Variants in SHISA9 observed in about 807,000 individuals in gnomAD.
SHISA9 encodes the protein shisa family member 9.
In SHISA9, 13 loss-of-function variants were observed where a neutral mutation model predicts 38.0. The observed-to-expected ratio is 0.34, with a 90% CI of 0.22 to 0.54. The LOEUF (loss-of-function observed/expected upper bound fraction) is 0.54, where lower values mean the gene tolerates loss of function less well. Among genes scored for constraint, SHISA9 ranks in the 20% least tolerant of loss-of-function variants. SHISA9 has a pLI of 0.91. For synonymous variants in SHISA9, 275 were observed against 242.0 expected (o/e 1.14, Z -1.27); for missense variants, 538 against 575.8 (o/e 0.93, Z 0.67).
At chr16:12,946,803 G>T (rs1014222728) in intron 2 of SHISA9, among the ~76,000 whole-genome samples, 22 of 152,250 alleles carry the variant, frequency 1.4e-4, no homozygotes, top group Non-Finnish European at 3.2e-4. Flanking sequence ...TTTGAGCAGG[G>T]CACTGCATGG....
At chr16:13,405,628 C>G in the SHISA9 span, among the ~76,000 whole-genome samples, 1 of 152,172 alleles carries the variant, frequency 6.6e-6, no homozygotes, top group Non-Finnish European at 1.5e-5. Context: ...TGTCCACTTC[C>G]TTCTCACTGT....
intron 2 of SHISA9, among the ~76,000 whole-genome samples, chr16:13,066,015 C>T (rs986895746): frequency 6.6e-6 from 1 of 152,204 alleles, no homozygotes; most frequent in African/African-American, 2.4e-5. Flanking sequence ...CTTCAATTTA[C>T]CATCCAAAGG....
At chr16:13,132,335 T>C (rs535985452) in intron 2 of SHISA9, among the ~76,000 whole-genome samples, 2 of 152,292 alleles carry the variant, frequency 1.3e-5, no homozygotes, top group African/African-American at 4.8e-5. Flanking sequence ...TAGTAGATGT[T>C]TACTGCTATT....
chr16:13,208,342 C>T (rs2051085507), intron 3 of SHISA9, among the ~76,000 whole-genome samples: 1 of 151,728 alleles, frequency 6.6e-6, no homozygotes. Flanking sequence ...CCCAAACCTG[C>T]CTTCCTTTCT....
the SHISA9 span, among the ~76,000 whole-genome samples, chr16:13,494,131 T>C: frequency 1.4e-4 from 21 of 152,194 alleles, no homozygotes; most frequent in Non-Finnish European, 2.4e-4. Context: ...CTGAGTAAGA[T>C]TTAATGCACT....
chr16:13,363,997 A>G, the SHISA9 span, among the ~76,000 whole-genome samples: 1 of 152,184 alleles, frequency 6.6e-6, no homozygotes, highest in African/African-American at 2.4e-5. Context: ...AACTTTCCAC[A>G]TGATTCCAGA....
chr16:13,434,419 G>GATTTTTTTTTTTTTTTT, the SHISA9 span, among the ~76,000 whole-genome samples: 2 of 64,566 alleles, frequency 3.1e-5, no homozygotes, highest in East Asian at 4.9e-4. Flanking sequence ...GACAAGCTAT[G>GATTTTTTTTTTTTTTTT]TTTTTTTTTT....
the SHISA9 span, among the ~76,000 whole-genome samples, chr16:13,312,240 G>C: frequency 2.0e-5 from 3 of 152,172 alleles, no homozygotes; most frequent in Admixed American, 1.3e-4. Flanking sequence ...TAAGCAAATG[G>C]GTGTGGTCTT....
chr16:13,223,454 A>G (rs977011062), intron 4 of SHISA9, among the ~76,000 whole-genome samples: 3 of 152,136 alleles, frequency 2.0e-5, no homozygotes, highest in Non-Finnish European at 2.9e-5. Context: ...TATCTGTCAT[A>G]TAAAACTGGT....
At chr16:13,263,751 A>G in the SHISA9 span, among the ~76,000 whole-genome samples, 2 of 152,116 alleles carry the variant, frequency 1.3e-5, no homozygotes, top group Admixed American at 6.5e-5. Context: ...GCCAATACCA[A>G]TTTCCTGGGT....
chr16:13,035,116 CA>C (rs143022659), intron 2 of SHISA9, among the ~76,000 whole-genome samples: 2,669 of 152,146 alleles, frequency 0.018, 74 homozygotes, highest in African/African-American at 0.06. Context: ...TCAACAAATC[CA>C]ACATATTTGT....
the SHISA9 span, among the ~76,000 whole-genome samples, chr16:13,387,130 C>T: frequency 1.1e-4 from 17 of 152,268 alleles, no homozygotes; most frequent in African/African-American, 3.6e-4. Context: ...CATTTCTGTA[C>T]ATTTACATAG....
the SHISA9 span, among the ~76,000 whole-genome samples, chr16:13,473,625 TG>T: frequency 1.3e-5 from 2 of 152,260 alleles, no homozygotes; most frequent in African/African-American, 4.8e-5. Context: ...AGCTGTCAAC[TG>T]TCTAATGCAG....
At chr16:13,281,467 C>G in the SHISA9 span, among the ~76,000 whole-genome samples, 1 of 151,226 alleles carries the variant, frequency 6.6e-6, no homozygotes, top group Non-Finnish European at 1.5e-5. Flanking sequence ...TTGGTGTGGT[C>G]CATTTACATT....
intron 2 of SHISA9, among the ~76,000 whole-genome samples, chr16:13,198,320 A>G (rs2050969752): frequency 6.6e-6 from 1 of 150,608 alleles, no homozygotes; most frequent in Admixed American, 6.6e-5. Context: ...GTGTATATGC[A>G]TACATATATA....
At position 13,018,764 on chromosome 16, in the gene SHISA9, G is replaced by T. The variant is rs574997404; in HGVS notation, c.691+101949G>T. On this transcript the variant is annotated intron_variant, in intron 2 of 4. Coordinates refer to ENST00000558583, the MANE Select transcript of SHISA9 (RefSeq NM_001145204.3). ...AATGTGCATAAATACCAGCTGGTGA[G>T]TGTGTGAAAATGCTGATTCCTAGGT... Among the ~76,000 whole-genome samples, 367 of 152,306 alleles carry T rather than the reference G, an allele frequency of 2.4e-3. 2 individuals carry two copies. The highest frequency in any genetic ancestry group is 8.2e-3 in the African/African-American group (339 of 41,558).
intron 2 of SHISA9, among the ~76,000 whole-genome samples, chr16:13,028,225 C>T (rs542384300): frequency 5.9e-5 from 9 of 152,098 alleles, no homozygotes; most frequent in Admixed American, 2.0e-4. Flanking sequence ...CTTCAATAAA[C>T]GTTATTTAAG....
the SHISA9 span, among the ~76,000 whole-genome samples, chr16:13,471,139 C>T: frequency 1.3e-5 from 2 of 151,956 alleles, no homozygotes; most frequent in African/African-American, 4.8e-5. Context: ...ACTCACATAT[C>T]TTATTGTTTG....
At chr16:13,402,110 G>C in the SHISA9 span, among the ~76,000 whole-genome samples, 1 of 150,576 alleles carries the variant, frequency 6.6e-6, no homozygotes, top group African/African-American at 2.4e-5. Flanking sequence ...GTGTTCTCCA[G>C]AGAAATGAAA....
Sources: gnomAD v4.1 joint callset for allele counts (sites outside exome capture counted in the v4.1 genomes callset) on GRCh38, gnomAD v4.1.1 for gene constraint, MANE v1.5 for transcripts, NCBI Gene and HGNC (gene_info 2026-07-23, HGNC 2026-07-21) for gene names.